The following GBF1 variants were observed in gnomAD, a reference collection of about 807,000 sequenced individuals.
The protein encoded by GBF1 is Golgi-specific brefeldin A-resistance guanine nucleotide exchange factor 1.
GBF1 carries 114 observed loss-of-function variants against 210.5 expected under a neutral mutation model. The observed-to-expected ratio is 0.54, with a 90% CI of 0.47 to 0.63. The LOEUF is 0.63. Among genes scored for constraint, GBF1 ranks in the 30% least tolerant of loss-of-function variants. GBF1 has a pLI of 0.00. For synonymous variants in GBF1, 850 were observed against 889.2 expected, an observed-to-expected ratio of 0.96 and a Z score of 0.78; for missense variants, 1,851 against 2,357.7, an observed-to-expected ratio of 0.79 and a Z score of 4.45.
the GBF1 span, among the ~76,000 whole-genome samples, chr10:102,237,297 G>A: frequency 6.6e-6 from 1 of 152,140 alleles, no homozygotes; most frequent in African/African-American, 2.4e-5. Context: ...AGAGAATATA[G>A]GCACGTGACT....
chr10:102,379,943 T>G lies in GBF1; in HGVS notation c.4867T>G (p.Leu1623Val), dbSNP rs779499760. ...MEETRMRASTLLSKVFLQHLS... is the reference protein window; with the variant it reads ...MEETRMRASTVLSKVFLQHLS... ...GGAGACCCGGATGAGGGCTTCCACA[T>G]TGCTCTCTAAGGTACTGCTCACCAC... Residue 1623 changes from leucine to valine, a missense_variant, in exon 36 of 40, where the codon TTG becomes GTG. Around this residue, in one of 3 missense-constraint regions of GBF1, gnomAD observed 967 missense variants for 1,247.7 expected, o/e 0.78. Transcript: ENST00000369983. The G allele has an allele frequency of 1.9e-6, 3 of 1,605,388 alleles. No homozygotes were observed. The highest frequency in any genetic ancestry group is 2.6e-6 in the Non-Finnish European group (3 of 1,172,650).
At chr10:102,231,946 G>T in the GBF1 span, 1 of 1,591,894 alleles carries the variant, frequency 6.3e-7, no homozygotes, top group Non-Finnish European at 8.6e-7. Flanking sequence ...TGCACCCCCG[G>T]AAGGGGGCGC....
intron 4 of GBF1, among the ~76,000 whole-genome samples, chr10:102,345,069 G>A (rs1229055299): frequency 1.3e-5 from 2 of 152,016 alleles, no homozygotes; most frequent in African/African-American, 4.8e-5. Context: ...GGATCACGAG[G>A]TCAGGAGTTT....
At chr10:102,309,478 C>G (rs2133955837) in intron 3 of GBF1, among the ~76,000 whole-genome samples, 1 of 152,324 alleles carries the variant, frequency 6.6e-6, no homozygotes, top group South Asian at 2.1e-4. Context: ...TTTACCCCAT[C>G]AGGGTCAGTC....
intron 4 of GBF1, among the ~76,000 whole-genome samples, chr10:102,347,497 T>C (rs999572): frequency 0.012 from 1,855 of 152,270 alleles, 34 homozygotes; most frequent in African/African-American, 0.043. Context: ...CTCTTTCCTC[T>C]TCCTGGACTT....
In GBF1 at chr10:102,376,371, G is replaced by A. The variant is rs1206096812; in HGVS notation, c.3986G>A (p.Arg1329Lys). 3 of 1,614,180 alleles carry A rather than the reference G, an allele frequency of 1.9e-6. No individual in the cohort carries two copies. The East Asian group carries it at 6.7e-5, about 36-fold the overall frequency. Residue 1329 changes from arginine (R) to lysine (K), a missense_variant, in exon 31 of 40, where the codon AGG becomes AAG. Arg to Lys is a conservative substitution (Grantham distance 26). Transcript: ENST00000369983. ...TCAGAGGTCTACACTGACCATGGCA[G>A]GCCGGGCAAGATACACCGATCAGCC... Reference protein sequence around the residue: ...SDSEVYTDHGRPGKIHRSATD... With the variant: ...SDSEVYTDHGKPGKIHRSATD...
rs1589793729 is a variant in GBF1 at position 102,365,590 on chromosome 10, G to C, written c.2300G>C (p.Ser767Thr). The C allele has an allele frequency of 6.2e-7, 1 of 1,613,824 alleles. No homozygotes were observed. The highest frequency in any genetic ancestry group is 8.5e-7 in the Non-Finnish European group (1 of 1,179,720). ...SDRKNIDLLE[S>T]FVSTFSFQGL... ...CGCAAAAACATTGACCTGTTGGAGA[G>C]CTTTGTGAGGTGAGGAAGCTGTAAG... The change falls in exon 18 of 40, where the codon AGC becomes ACC. Residue 767 changes from serine (S) to threonine (T), a missense_variant. By Grantham distance (58) the Ser-to-Thr change is moderately conservative. This residue lies in a region of GBF1 where 804 missense variants were observed against 958.6 expected (regional missense o/e 0.84). Coordinates refer to ENST00000369983, the MANE Select transcript of GBF1 (RefSeq NM_001377137.1).
Position 102,351,951 on chromosome 10 carries a change from G to A in GBF1, c.523G>A (p.Glu175Lys). ...GATCTGCTTTGAAATGAGGCTCAGT[G>A]GTAGGTGCTTGGATATTAGCCCCTT... Reference protein sequence around the residue: ...FRICFEMRLSELLRKSAEHTL... With the variant: ...FRICFEMRLSKLLRKSAEHTL... Residue 175 changes from glutamate to lysine, a missense_variant and splice_region_variant, in exon 6 of 40, where the codon GAG (glutamate) becomes AAG (lysine). Coordinates refer to ENST00000369983, the MANE Select transcript of GBF1 (RefSeq NM_001377137.1). 2 of 1,527,320 alleles carry A rather than the reference G, an allele frequency of 1.3e-6. No individual in the cohort carries two copies. The highest frequency in any genetic ancestry group is 9.1e-7 in the Non-Finnish European group (1 of 1,100,704). The allele number at this position is 1,527,320 out of a possible 1,614,324, so 94.6% of individuals were successfully genotyped here. A position where few individuals can be genotyped will look rare whatever the true frequency, so the allele number is the denominator to read the frequency against.
chr10:102,235,186 C>CTCCCA, the GBF1 span, among the ~76,000 whole-genome samples: 2 of 144,708 alleles, frequency 1.4e-5, no homozygotes, highest in East Asian at 4.6e-4. Context: ...CCCACCCCCC[C>CTCCCA]ACCGCCTCCC....
Position 102,363,531 on chromosome 10 carries a change from G to T in GBF1, c.2017+135G>T. 1.1e-6 allele frequency: 1 copy of T among 920,612 alleles called. No individual in the cohort carries two copies. Among genetic ancestry groups the T allele is most frequent in the Non-Finnish European group, 1.7e-6 (1 of 588,418 alleles). 57.0% of individuals were successfully genotyped at this position (920,612 alleles called of 1,614,324 possible). On this transcript the variant is annotated intron_variant, in intron 16 of 39. Coordinates refer to ENST00000369983, the MANE Select transcript of GBF1 (RefSeq NM_001377137.1). This position sits in a 1 kb window ranked among gnomAD's most constrained non-coding sequence, Gnocchi z 4.2. ...GCCTCGCCTTCAGACTCAGAGAGAG[G>T]GAAGCAAACATATGGACCCTCAGTT...
chr10:102,273,707 A>C (rs2074655639), intron 3 of GBF1, among the ~76,000 whole-genome samples: 1 of 152,180 alleles, frequency 6.6e-6, no homozygotes, highest in African/African-American at 2.4e-5. Context: ...ATCCCTATCA[A>C]CTTTGATTTC....
chr10:102,259,724 A>G (rs1360247436), intron 2 of GBF1, among the ~76,000 whole-genome samples: 1 of 152,240 alleles, frequency 6.6e-6, no homozygotes, highest in Non-Finnish European at 1.5e-5. Context: ...ATGAATATGT[A>G]TGATGACATA....
chr10:102,374,821 C>A (rs531793054), intron 29 of GBF1, among the ~76,000 whole-genome samples: 1 of 152,026 alleles, frequency 6.6e-6, no homozygotes, highest in African/African-American at 2.4e-5. Flanking sequence ...GTATAAGGGA[C>A]CTTTTTGTAT....
Position 102,382,668 on chromosome 10 carries a change from A to G in GBF1, c.*332A>G, listed in dbSNP as rs1461194109. 1 of 271,978 alleles carries G rather than the reference A, an allele frequency of 3.7e-6. No individual in the cohort carries two copies. The highest frequency in any genetic ancestry group is 6.9e-6 in the Non-Finnish European group (1 of 144,420). The allele number at this position is 271,978 out of a possible 1,614,324, so 16.8% of individuals were successfully genotyped here. On this transcript the variant is annotated 3_prime_UTR_variant, in exon 40 of 40. Coordinates refer to ENST00000369983, the MANE Select transcript of GBF1 (RefSeq NM_001377137.1). ...GCCTGCCCACGGTCAGGCATTGAAA[A>G]CTAAGCCCAACCACTCTGCACTTTG...
intron 1 of GBF1, among the ~76,000 whole-genome samples, chr10:102,255,693 C>T (rs1424977085): frequency 1.3e-5 from 2 of 152,156 alleles, no homozygotes; most frequent in Non-Finnish European, 2.9e-5. Context: ...AAGATTTAAT[C>T]TTTTCTCTTC....
At chr10:102,237,849 G>A in the GBF1 span, among the ~76,000 whole-genome samples, 1 of 151,944 alleles carries the variant, frequency 6.6e-6, no homozygotes, top group Non-Finnish European at 1.5e-5. Flanking sequence ...TAGACTGTGT[G>A]TCATGCCTCC....
In GBF1 at chr10:102,366,585, T is replaced by TC. The variant is rs1491108707; in HGVS notation, c.2433+79_2433+80insC. 5.2e-5 allele frequency: 4 copies of TC among 76,758 alleles called. No homozygotes were observed. Among genetic ancestry groups the TC allele is most frequent in the South Asian group, 6.3e-4 (1 of 1,594 alleles). 4.8% of individuals were successfully genotyped at this position (76,758 alleles called of 1,614,324 possible). A position where few individuals can be genotyped will look rare whatever the true frequency, so the allele number is the denominator to read the frequency against. ...GGCTGAAGAATCCAGCTGCTGTCTC[T>TC]TTTTTTTTTTTTTTTTTTTGAGACA... On this transcript the variant is annotated intron_variant, in intron 19 of 39. Coordinates refer to ENST00000369983, the MANE Select transcript of GBF1 (RefSeq NM_001377137.1). This position sits in a 1 kb window ranked among gnomAD's most constrained non-coding sequence, Gnocchi z 4.0.
intron 3 of GBF1, among the ~76,000 whole-genome samples, chr10:102,282,888 A>G (rs2075622431): frequency 1.3e-5 from 2 of 152,342 alleles, no homozygotes; most frequent in South Asian, 4.1e-4. Context: ...AGATAGTAGA[A>G]AAATTTAAAA....
chr10:102,276,877 T>A (rs1240692090), intron 3 of GBF1, among the ~76,000 whole-genome samples: 2 of 152,146 alleles, frequency 1.3e-5, no homozygotes, highest in Non-Finnish European at 2.9e-5. Context: ...AATGAACAGA[T>A]GGTGAATTTT....
Sources: gnomAD v4.1 joint callset for allele counts (sites outside exome capture counted in the v4.1 genomes callset) on GRCh38, gnomAD v4.1.1 for gene constraint, gnomAD v4.1.1 regional missense constraint, Gnocchi (gnomAD v3.1) non-coding constraint, MANE v1.5 for transcripts, NCBI Gene and HGNC (gene_info 2026-07-23, HGNC 2026-07-21) for gene names.